DPYD: variants seen among roughly 807,000 people sequenced by gnomAD.
The protein encoded by DPYD is dihydropyrimidine dehydrogenase, also known as dihydropyrimidine dehydrogenase [NADP(+)].
A neutral mutation model predicts 116.2 loss-of-function variants in DPYD; 109 were observed. That is an observed-to-expected ratio of 0.94 (90% CI 0.80 to 1.10). The LOEUF (loss-of-function observed/expected upper bound fraction) is 1.10. Ranked by LOEUF, DPYD falls within the 50% of genes least tolerant of loss-of-function variation. The pLI, the probability that DPYD is intolerant of heterozygous loss-of-function variation, is 0.00. For synonymous variants in DPYD, 440 were observed against 432.0 expected, an observed-to-expected ratio of 1.02 and a Z score of -0.23; for missense variants, 1,302 against 1,254.5, an observed-to-expected ratio of 1.04 and a Z score of -0.57.
chr1:97,543,513 T>G (rs926843630), intron 12 of DPYD, among the ~76,000 whole-genome samples: 3 of 152,200 alleles, frequency 2.0e-5, no homozygotes, highest in Non-Finnish European at 2.9e-5. Context: ...CTATAATCTG[T>G]TTATAAAATC....
At chr1:97,367,475 C>T (rs1671097519) in intron 16 of DPYD, among the ~76,000 whole-genome samples, 1 of 151,904 alleles carries the variant, frequency 6.6e-6, no homozygotes, top group Non-Finnish European at 1.5e-5. Flanking sequence ...CATACATCTC[C>T]CTGATGACAA....
rs187484874 is a variant in DPYD, at chr1:97,595,141, G to A, written c.876C>T (p.Ala292=). Residue 292 remains alanine, a synonymous_variant, in exon 9 of 23, where the codon GCC becomes GCT. Transcript: ENST00000370192. ...GIGLPEPNKD[A]IFQGLTQDQG... is the part of the protein sequence containing the mutation. ...GGTCCTGCGTCAGGCCTTGGAAGAT[G>A]GCATCTTTATTGGGTTCTGGCAAAC... 1 of 1,613,512 alleles carries A rather than the reference G, an allele frequency of 6.2e-7. No homozygotes were observed. Among genetic ancestry groups the A allele is most frequent in the East Asian group, 2.2e-5 (1 of 44,844 alleles).
chr1:97,699,628 T>A, intron 5 of DPYD, 81 bp from the exon 6 acceptor site: 2 of 1,405,054 alleles, frequency 1.4e-6, no homozygotes, highest in Non-Finnish European at 2.0e-6. Flanking sequence ...TTCAAACGAA[T>A]TCTTGTTTTA....
chr1:97,748,458 A>C (rs932626434), intron 3 of DPYD, among the ~76,000 whole-genome samples: 1 of 152,044 alleles, frequency 6.6e-6, no homozygotes, highest in Admixed American at 6.5e-5. Context: ...AATTCAAAAA[A>C]ATTAGCCAGG....
chr1:97,256,349 T>TC (rs1245096571), intron 18 of DPYD, among the ~76,000 whole-genome samples: 2 of 152,006 alleles, frequency 1.3e-5, no homozygotes, highest in Non-Finnish European at 2.9e-5. Context: ...TTTGGCTGTG[T>TC]CCCCCCTCAA....
At chr1:97,326,698 T>C (rs1027962474) in intron 16 of DPYD, among the ~76,000 whole-genome samples, 1 of 151,978 alleles carries the variant, frequency 6.6e-6, no homozygotes, top group African/African-American at 2.4e-5. Flanking sequence ...TCACAGTTAT[T>C]GGCAACTTAT....
At chr1:97,377,112 C>T (rs1312020812) in intron 15 of DPYD, among the ~76,000 whole-genome samples, 1 of 151,218 alleles carries the variant, frequency 6.6e-6, no homozygotes. Flanking sequence ...AACTAAGTCA[C>T]AGAGTTGTTG....
chr1:97,689,056 T>C (rs904051924), intron 7 of DPYD, among the ~76,000 whole-genome samples: 5 of 151,360 alleles, frequency 3.3e-5, no homozygotes, highest in South Asian at 2.1e-4. Context: ...AAGAATTCCA[T>C]GTATTATACC....
intron 16 of DPYD, among the ~76,000 whole-genome samples, chr1:97,338,941 T>A (rs532567172): frequency 6.6e-6 from 1 of 152,166 alleles, no homozygotes; most frequent in East Asian, 1.9e-4. Flanking sequence ...AGCTAATGAA[T>A]GAGACAGAGG....
chr1:97,195,388 G>T (rs1314166603), intron 19 of DPYD, among the ~76,000 whole-genome samples: 1 of 150,792 alleles, frequency 6.6e-6, no homozygotes, highest in African/African-American at 2.4e-5. Flanking sequence ...AAGCCTTTTG[G>T]GTCTTTGATT....
chr1:97,434,518 T>C (rs1169306563), intron 14 of DPYD, among the ~76,000 whole-genome samples: 1 of 152,036 alleles, frequency 6.6e-6, no homozygotes, highest in Admixed American at 6.6e-5. Context: ...TTCTATCCTA[T>C]TTACAATCCA....
intron 19 of DPYD, among the ~76,000 whole-genome samples, chr1:97,203,335 C>A (rs369200344): frequency 1.3e-5 from 2 of 152,010 alleles, no homozygotes; most frequent in Non-Finnish European, 2.9e-5. Context: ...CTTTCTTTTT[C>A]AACAGAGTCA....
chr1:97,640,126 T>C (rs1235759694), intron 8 of DPYD, among the ~76,000 whole-genome samples: 1 of 152,190 alleles, frequency 6.6e-6, no homozygotes, highest in African/African-American at 2.4e-5. Context: ...TACATACTAA[T>C]GAAGTCAAGT....
At chr1:97,870,914 A>C (rs1671623821) in intron 2 of DPYD, among the ~76,000 whole-genome samples, 1 of 151,836 alleles carries the variant, frequency 6.6e-6, no homozygotes, top group African/African-American at 2.4e-5. Context: ...GAATAGGGGA[A>C]CGATTAGAAA....
intron 3 of DPYD, among the ~76,000 whole-genome samples, chr1:97,781,053 T>C (rs963163816): frequency 1.3e-5 from 2 of 152,192 alleles, no homozygotes; most frequent in Non-Finnish European, 1.5e-5. Flanking sequence ...GCAATCTGCT[T>C]GGAGCACACA....
At chr1:97,785,003 T>G (rs1666943843) in intron 3 of DPYD, among the ~76,000 whole-genome samples, 1 of 152,228 alleles carries the variant, frequency 6.6e-6, no homozygotes, top group Non-Finnish European at 1.5e-5. Context: ...ATATAATTTT[T>G]TATAATTTCA....
chr1:97,798,206 T>C (rs1667674217), intron 3 of DPYD: 2 of 152,126 alleles, frequency 1.3e-5, no homozygotes, highest in Non-Finnish European at 2.9e-5. Context: ...TAGAGTCCTT[T>C]GCTGTGTCAT....
At chr1:97,081,831 T>C (rs1392610705) in intron 22 of DPYD, among the ~76,000 whole-genome samples, 2 of 151,836 alleles carry the variant, frequency 1.3e-5, no homozygotes, top group African/African-American at 4.8e-5. Flanking sequence ...TTTTCCAGCT[T>C]CAGAGGAATT....
chr1:97,573,784 C>A lies in DPYD; in HGVS notation c.1315G>T (p.Gly439Cys). 6.2e-7 allele frequency: 1 copy of A among 1,613,536 alleles called. No homozygotes were observed. ...LKADVVISAF[G>C]SVLSDPKVKE... ...CCTTTAGGATCACTCAGAACTGAAC[C>A]AAAGGCACTGATGACCACATCGGCT... The change falls in exon 11 of 23, where the codon GGT becomes TGT. Residue 439 changes from glycine (G) to cysteine (C), a missense_variant. By Grantham distance (159) the Gly-to-Cys change is radical (BLOSUM62 -3). Transcript: ENST00000370192.
Sources: allele counts gnomAD v4.1 joint callset (sites outside exome capture counted in the v4.1 genomes callset), GRCh38; gene constraint gnomAD v4.1.1; transcripts MANE v1.5; gene names NCBI Gene and HGNC (gene_info 2026-07-23, HGNC 2026-07-21).